ITGAV: variants seen among roughly 807,000 people sequenced by gnomAD.
ITGAV encodes integrin subunit alpha V.
ITGAV carries 76 observed loss-of-function variants against 143.8 expected under a neutral mutation model. The ratio of observed to expected loss-of-function variants is 0.53; its 90% CI spans 0.44 to 0.64. The LOEUF (loss-of-function observed/expected upper bound fraction) is 0.64, where lower values mean the gene tolerates loss of function less well. ITGAV is among the 30% of genes least tolerant of loss of function. ITGAV has a pLI of 0.00. For missense variants in ITGAV, 1,193 were observed against 1,274.7 expected, an observed-to-expected ratio of 0.94 and a Z score of 0.98; for synonymous variants, 453 against 446.7, an observed-to-expected ratio of 1.01 and a Z score of -0.18.
At chr2:186,592,152 T>C (rs141888802) in intron 1 of ITGAV, among the ~76,000 whole-genome samples, 269 of 152,286 alleles carry the variant, frequency 1.8e-3, no homozygotes, top group African/African-American at 5.8e-3. Flanking sequence ...ATTTAAATAC[T>C]TCAGGCCAGG....
At chr2:186,595,427 T>C (rs1044095514) in intron 1 of ITGAV, among the ~76,000 whole-genome samples, 2 of 152,190 alleles carry the variant, frequency 1.3e-5, no homozygotes, top group Non-Finnish European at 2.9e-5. Flanking sequence ...TCCTCCTGAT[T>C]GGTTCCTCTG....
In ITGAV at chr2:186,665,143, C is replaced by T. The variant is rs536408279; in HGVS notation, c.2091C>T (p.Ser697=). The T allele has an allele frequency of 4.4e-6, 7 of 1,602,990 alleles. No homozygotes were observed. In the African/African-American group the frequency reaches 6.8e-5, roughly 16 times the overall value. The change falls in exon 21 of 30, where the codon TCC becomes TCT. Residue 697 remains serine, a synonymous_variant. Coordinates refer to ENST00000261023, the MANE Select transcript of ITGAV (RefSeq NM_002210.5). ...VRNNEALARL[S]CAFKTENQTR... Reference sequence around the variant, plus strand: ...TATCAAAGGCCTTAGCAAGACTTTCCTGTGCATTTAAGACAGAAAACCAAA... The same window carrying T: ...TATCAAAGGCCTTAGCAAGACTTTCTTGTGCATTTAAGACAGAAAACCAAA...
rs916793425 is a variant in ITGAV, at chr2:186,680,828, A to C, written c.*3536A>C. 2 of 152,642 alleles carry C rather than the reference A, an allele frequency of 1.3e-5. No individual in the cohort carries two copies. Among genetic ancestry groups the C allele is most frequent in the Non-Finnish European group, 2.9e-5 (2 of 68,022 alleles). The allele number at this position is 152,642 out of a possible 1,614,324, so 9.5% of individuals were successfully genotyped here. A position where few individuals can be genotyped will look rare whatever the true frequency, so the allele number is the denominator to read the frequency against. ...TGCTAACTTGATTTGAGTTAGTGAAAACTGGTACAGTGTTCTGCTTGATTT... is the reference window on the plus strand; with the variant it reads ...TGCTAACTTGATTTGAGTTAGTGAACACTGGTACAGTGTTCTGCTTGATTT... On this transcript the variant is annotated 3_prime_UTR_variant, in exon 30 of 30. Coordinates refer to ENST00000261023, the MANE Select transcript of ITGAV (RefSeq NM_002210.5).
chr2:186,623,822 A>G (rs1161512993), intron 3 of ITGAV, among the ~76,000 whole-genome samples: 3 of 152,108 alleles, frequency 2.0e-5, no homozygotes, highest in East Asian at 3.8e-4. Flanking sequence ...CTCAACATTT[A>G]TCAGTAGATC....
At chr2:186,603,939 A>G (rs897120558) in intron 2 of ITGAV, among the ~76,000 whole-genome samples, 9 of 150,904 alleles carry the variant, frequency 6.0e-5, no homozygotes, top group African/African-American at 2.2e-4. Flanking sequence ...ATCATGGCTC[A>G]TTGCAGCCTC....
chr2:186,602,049 A>G lies in ITGAV; in HGVS notation c.214A>G (p.Lys72Glu). 1 of 1,611,726 alleles carries G rather than the reference A, an allele frequency of 6.2e-7. No individual in the cohort carries two copies. ...GATGTTTCTTCTCGTGGGAGCTCCC[A>G]AAGCAAACACCACCCAGCCTGGGAT... The part of the protein sequence containing the change: ...SRMFLLVGAP[K>E]ANTTQPGIVE... Residue 72 changes from lysine to glutamate, a missense_variant, in exon 2 of 30, where the codon AAA becomes GAA. Physicochemically the swap from Lys to Glu is moderately conservative, Grantham distance 56. Coordinates refer to ENST00000261023, the MANE Select transcript of ITGAV (RefSeq NM_002210.5).
chr2:186,622,575 C>T (rs1687560579), intron 3 of ITGAV, 145 bp downstream of exon 3: 1 of 603,496 alleles, frequency 1.7e-6, no homozygotes, highest in Non-Finnish European at 3.0e-6. Flanking sequence ...TGATCAAAGG[C>T]CACTCTGTCC....
chr2:186,605,169 G>A (rs909825823), intron 2 of ITGAV, among the ~76,000 whole-genome samples: 4 of 152,214 alleles, frequency 2.6e-5, no homozygotes, highest in African/African-American at 4.8e-5. Flanking sequence ...AATACTAGGT[G>A]TAGAGAGCCA....
intron 1 of ITGAV, among the ~76,000 whole-genome samples, chr2:186,597,273 A>G (rs1290441793): frequency 1.3e-5 from 2 of 152,220 alleles, no homozygotes; most frequent in Non-Finnish European, 2.9e-5. Flanking sequence ...TCTGTCTTAT[A>G]GTGCCAAGTA....
chr2:186,630,721 A>G lies in ITGAV; in HGVS notation c.524-76A>G, dbSNP rs547619646. The stretch of plus-strand genomic sequence containing the variant: ...GGTACATTATCTTATGATTCTAGTG[A>G]TATCAGATTTTCTCATGTTTTGTTT... On this transcript the variant is annotated intron_variant, in intron 4 of 29. Coordinates refer to ENST00000261023, the MANE Select transcript of ITGAV (RefSeq NM_002210.5). 3 of 780,698 alleles carry G rather than the reference A, an allele frequency of 3.8e-6. No homozygotes were observed. The African/African-American group carries it at 5.1e-5, about 13-fold the overall frequency. The allele number at this position is 780,698 out of a possible 1,614,324, so 48.4% of individuals were successfully genotyped here.
rs190647228 is a variant in ITGAV, at chr2:186,602,004, C to T, written c.186-17C>T. ...TTTGTTTCATTTAAACTTTGGTCTGCCGCTTTTGTATTTTAGCCGGATGTT... is the reference window on the plus strand; with the variant it reads ...TTTGTTTCATTTAAACTTTGGTCTGTCGCTTTTGTATTTTAGCCGGATGTT... On this transcript the variant is annotated splice_polypyrimidine_tract_variant and intron_variant, in intron 1 of 29. Transcript: ENST00000261023. The T allele has an allele frequency of 1.9e-5, 30 of 1,599,722 alleles. No individual in the cohort carries two copies. The East Asian group carries it at 6.5e-4, about 35-fold the overall frequency.
chr2:186,668,486 G>A (rs1688976926), intron 24 of ITGAV: 3 of 315,524 alleles, frequency 9.5e-6, no homozygotes, highest in Admixed American at 5.4e-5. Context: ...AGATCCGCCC[G>A]CCTCGGCCTC....
chr2:186,646,940 T>C, intron 13 of ITGAV, 63 bp downstream of exon 13: 1 of 1,043,736 alleles, frequency 9.6e-7, no homozygotes, highest in Non-Finnish European at 1.4e-6. Context: ...ATAGTATTAG[T>C]TACTGTTCTT....
At chr2:186,668,077 G>C (rs1239510872) in intron 24 of ITGAV, 3 of 159,980 alleles carry the variant, frequency 1.9e-5, no homozygotes, top group Non-Finnish European at 4.0e-5. Context: ...GCTAAAAATT[G>C]AAAATACCTA....
chr2:186,634,497 TAAAG>T (rs1687901390), intron 6 of ITGAV, among the ~76,000 whole-genome samples: 1 of 151,954 alleles, frequency 6.6e-6, no homozygotes, highest in Non-Finnish European at 1.5e-5. Flanking sequence ...AGAGGGAAGC[TAAAG>T]AAAGAGATTT....
chr2:186,635,675 T>C (rs565841858), intron 6 of ITGAV, among the ~76,000 whole-genome samples: 1 of 152,366 alleles, frequency 6.6e-6, no homozygotes, highest in South Asian at 2.1e-4. Context: ...TTCCTAAAGA[T>C]GTTTAAATTA....
chr2:186,602,239 CAATT>C (rs1460001775), intron 2 of ITGAV, 88 bp downstream of exon 2: 2 of 1,031,584 alleles, frequency 1.9e-6, no homozygotes, highest in Middle Eastern at 2.6e-4. Flanking sequence ...CCATTTAATA[CAATT>C]ATATAGATAA....
At chr2:186,661,578 A>G (rs1016992948) in intron 18 of ITGAV, among the ~76,000 whole-genome samples, 1 of 143,932 alleles carries the variant, frequency 6.9e-6, no homozygotes, top group African/African-American at 2.6e-5. Context: ...TCAAATACAC[A>G]TTAAGTTTTT....
intron 13 of ITGAV, among the ~76,000 whole-genome samples, chr2:186,647,282 C>A (rs1283348155): frequency 1.3e-5 from 2 of 149,536 alleles, no homozygotes; most frequent in African/African-American, 4.9e-5. Flanking sequence ...ATTGCCCAGG[C>A]TGGAGTACAG....
Sources: allele counts gnomAD v4.1 joint callset (sites outside exome capture counted in the v4.1 genomes callset), GRCh38; gene constraint gnomAD v4.1.1; transcripts MANE v1.5; gene names NCBI Gene and HGNC (gene_info 2026-07-23, HGNC 2026-07-21).